The following CPNE3 variants were observed in gnomAD, a reference collection of about 807,000 sequenced individuals.
CPNE3 encodes the protein copine 3.
Under a neutral mutation model 63.9 loss-of-function variants are expected in CPNE3, and 68 were observed. The ratio of observed to expected loss-of-function variants is 1.06; its 90% CI spans 0.87 to 1.30. The LOEUF is 1.30. CPNE3 is among the 50% of genes most tolerant of loss of function. The pLI is 0.00. For synonymous variants in CPNE3, 219 were observed against 197.5 expected, an observed-to-expected ratio of 1.11 and a Z score of -0.91; for missense variants, 665 against 578.1, an observed-to-expected ratio of 1.15 and a Z score of -1.54.
At chr8:86,551,304 T>C in intron 14 of CPNE3, 70 bp downstream of exon 14, 1 of 1,106,256 alleles carries the variant, frequency 9.0e-7, no homozygotes, top group Non-Finnish European at 1.3e-6. Context: ...TTGTTCTTTG[T>C]TCTTTGTTTT....
intron 8 of CPNE3, among the ~76,000 whole-genome samples, chr8:86,540,547 ATGCTT>A (rs1425803843): frequency 6.6e-6 from 1 of 152,188 alleles, no homozygotes; most frequent in African/African-American, 2.4e-5. Context: ...TGTTGACCTA[ATGCTT>A]AGTCAAACAG....
rs137984538 is a variant in CPNE3 at position 86,551,076 on chromosome 8, C to T, written c.1044C>T (p.Gly348=). ...ADKMFPAFGF[G]AQIPPQWQVS... The stretch of plus-strand genomic sequence containing the variant: ...AGATGTTTCCAGCTTTTGGTTTTGG[C>T]GCTCAGATACCTCCTCAGTGGCAGG... Residue 348 remains glycine (G), a synonymous_variant, in exon 13 of 17, where the codon GGC becomes GGT. Coordinates refer to ENST00000517490, the MANE Select transcript of CPNE3 (RefSeq NM_003909.5). 89 of 1,609,654 alleles carry T rather than the reference C, an allele frequency of 5.5e-5. 1 individual carries two copies. The highest frequency in any genetic ancestry group is 1.7e-4 in the South Asian group (15 of 89,958).
intron 2 of CPNE3, among the ~76,000 whole-genome samples, chr8:86,522,076 A>T (rs922788591): frequency 6.6e-6 from 1 of 152,152 alleles, no homozygotes; most frequent in South Asian, 2.1e-4. Flanking sequence ...CTTGAATGTA[A>T]GGGTGAAAAA....
chr8:86,553,596 A>T (rs148864389), intron 14 of CPNE3, among the ~76,000 whole-genome samples: 2 of 152,156 alleles, frequency 1.3e-5, no homozygotes, highest in Non-Finnish European at 2.9e-5. Flanking sequence ...ATACTCTATG[A>T]TGTTCATACG....
chr8:86,551,523 A>C (rs924354477), intron 14 of CPNE3: 1 of 289,822 alleles, frequency 3.5e-6, no homozygotes, highest in Non-Finnish European at 6.3e-6. Context: ...AACATTCTCA[A>C]TCTTTGGAGT....
At chr8:86,542,756 G>A (rs1378402230) in intron 8 of CPNE3, among the ~76,000 whole-genome samples, 3 of 151,880 alleles carry the variant, frequency 2.0e-5, no homozygotes, top group African/African-American at 7.3e-5. Flanking sequence ...CTGAACATAT[G>A]CCAGCATTAT....
At chr8:86,525,863 A>G (rs1018673959) in intron 2 of CPNE3, among the ~76,000 whole-genome samples, 5 of 152,182 alleles carry the variant, frequency 3.3e-5, no homozygotes, top group African/African-American at 1.2e-4. Flanking sequence ...TTGCTGACAT[A>G]CAACTTACAA....
intron 10 of CPNE3, among the ~76,000 whole-genome samples, chr8:86,546,926 G>C (rs149279043): frequency 0.011 from 1,735 of 152,254 alleles, 34 homozygotes; most frequent in African/African-American, 0.039. Context: ...GGCCAGGCTG[G>C]TCTTGAACTC....
intron 8 of CPNE3, 63 bp from the exon 9 acceptor site, chr8:86,544,677 C>A: frequency 1.3e-6 from 1 of 787,912 alleles, no homozygotes; most frequent in Non-Finnish European, 1.7e-6. Context: ...ATATTTATTG[C>A]AGCCAATACT....
At chr8:86,557,309 A>G (rs1821345764) in intron 16 of CPNE3, among the ~76,000 whole-genome samples, 1 of 151,628 alleles carries the variant, frequency 6.6e-6, no homozygotes, top group Admixed American at 6.6e-5. Context: ...ATTTTTTTCT[A>G]TTTTTTAGTA....
intron 2 of CPNE3, among the ~76,000 whole-genome samples, chr8:86,518,445 T>C (rs1037784753): frequency 4.7e-4 from 72 of 152,208 alleles, no homozygotes; most frequent in Non-Finnish European, 6.2e-4. Flanking sequence ...GTCCTTATAA[T>C]GGAAAACTTT....
intron 7 of CPNE3, among the ~76,000 whole-genome samples, chr8:86,538,043 T>C (rs1462168602): frequency 6.6e-6 from 1 of 151,800 alleles, no homozygotes; most frequent in Non-Finnish European, 1.5e-5. Context: ...TGCAAAATCA[T>C]CCTAATGGAG....
intron 2 of CPNE3, among the ~76,000 whole-genome samples, chr8:86,523,767 G>A (rs954531131): frequency 1.3e-5 from 2 of 152,112 alleles, no homozygotes; most frequent in Non-Finnish European, 2.9e-5. Context: ...TGTATATTTA[G>A]TAGAGACAGG....
At chr8:86,530,486 G>A (rs1820651080) in intron 4 of CPNE3, among the ~76,000 whole-genome samples, 1 of 151,484 alleles carries the variant, frequency 6.6e-6, no homozygotes, top group Admixed American at 6.6e-5. Context: ...CTTATTTATT[G>A]AGTGTTCTGA....
At chr8:86,556,072 C>T (rs748470530) in intron 15 of CPNE3, 30 bp from the exon 16 acceptor site, 3 of 867,824 alleles carry the variant, frequency 3.5e-6, no homozygotes, top group African/African-American at 1.6e-5. Context: ...GCTTGACTTG[C>T]TCAGGGGACA....
At chr8:86,531,420 T>C (rs1443787576) in intron 5 of CPNE3, among the ~76,000 whole-genome samples, 191 bp downstream of exon 5, 1 of 152,158 alleles carries the variant, frequency 6.6e-6, no homozygotes, top group Non-Finnish European at 1.5e-5. Flanking sequence ...AAACATGCAG[T>C]GTAGTAATCC....
intron 2 of CPNE3, among the ~76,000 whole-genome samples, chr8:86,527,759 G>C (rs1368313708): frequency 6.6e-6 from 1 of 151,748 alleles, no homozygotes; most frequent in African/African-American, 2.4e-5. Context: ...GGCTTTGGGG[G>C]CTTTTGGTTT....
intron 7 of CPNE3, among the ~76,000 whole-genome samples, chr8:86,537,942 C>G (rs1820837532): frequency 6.6e-6 from 1 of 151,080 alleles, no homozygotes; most frequent in Non-Finnish European, 1.5e-5. Flanking sequence ...TGCTCTCTGT[C>G]TTTCTCTATC....
intron 2 of CPNE3, among the ~76,000 whole-genome samples, chr8:86,521,274 G>A (rs1820429896): frequency 6.6e-6 from 1 of 152,166 alleles, no homozygotes; most frequent in Non-Finnish European, 1.5e-5. Context: ...GGGTTATCTT[G>A]AAGAGGAACT....
Sources: allele counts gnomAD v4.1 joint callset (sites outside exome capture counted in the v4.1 genomes callset), GRCh38; gene constraint gnomAD v4.1.1; transcripts MANE v1.5; gene names NCBI Gene and HGNC (gene_info 2026-07-23, HGNC 2026-07-21).